PPP2R5C: variants seen among roughly 807,000 people sequenced by gnomAD.
The protein encoded by PPP2R5C is protein phosphatase 2 regulatory subunit B'gamma, also known as serine/threonine-protein phosphatase 2A 56 kDa regulatory subunit gamma isoform.
In PPP2R5C, 7 loss-of-function variants were observed where a neutral mutation model predicts 68.9. That is an observed-to-expected ratio of 0.10 (90% CI 0.06 to 0.19). The LOEUF (loss-of-function observed/expected upper bound fraction) is 0.19. Ranked by LOEUF, PPP2R5C falls within the 10% of genes least tolerant of loss-of-function variation. The pLI is 1.00. For synonymous variants in PPP2R5C, 210 were observed against 222.2 expected (o/e 0.95, Z 0.49); for missense variants, 348 against 641.3 (o/e 0.54, Z 4.94).
intron 1 of PPP2R5C, among the ~76,000 whole-genome samples, chr14:101,856,283 T>C (rs2042420559): frequency 6.6e-6 from 1 of 152,224 alleles, no homozygotes; most frequent in Non-Finnish European, 1.5e-5. Context: ...ATTCTGCAGA[T>C]ATCACCTGGT....
exon 14 of PPP2R5C, chr14:101,926,577 C>T (rs920393280): frequency 6.6e-6 from 1 of 152,620 alleles, no homozygotes; most frequent in Non-Finnish European, 1.5e-5. Flanking sequence ...TGCTTGAAAG[C>T]TACTTGAGAT....
chr14:101,807,307 T>C (rs1832527120), upstream of PPP2R5C, among the ~76,000 whole-genome samples: 1 of 152,224 alleles, frequency 6.6e-6, no homozygotes, highest in Non-Finnish European at 1.5e-5. Flanking sequence ...GTCAACATAT[T>C]TCTCAGTTTG....
At chr14:101,876,457 A>T (rs1251755629) in intron 2 of PPP2R5C, among the ~76,000 whole-genome samples, 1 of 151,532 alleles carries the variant, frequency 6.6e-6, no homozygotes, top group Non-Finnish European at 1.5e-5. Flanking sequence ...TAAAATTTTT[A>T]TATGTTACAC....
chr14:101,858,421 T>A (rs906097426), intron 2 of PPP2R5C, among the ~76,000 whole-genome samples: 4 of 152,144 alleles, frequency 2.6e-5, no homozygotes, highest in Non-Finnish European at 5.9e-5. Flanking sequence ...AATGATCAAA[T>A]CAGGGTAATT....
chr14:101,886,072 G>A (rs1455215202), intron 5 of PPP2R5C, among the ~76,000 whole-genome samples: 2 of 152,178 alleles, frequency 1.3e-5, no homozygotes, highest in Non-Finnish European at 2.9e-5. Context: ...ACAAGGTCAG[G>A]AGATCGAGAC....
Position 101,856,902 on chromosome 14 carries a change from T to C in PPP2R5C, c.294+17T>C, listed in dbSNP as rs746572538. On this transcript the variant is annotated intron_variant, in intron 2 of 13. Coordinates refer to ENST00000334743, the Ensembl canonical transcript of PPP2R5C. Reference sequence around the variant, plus strand: ...GTCCATATGGTAAGTGATTACAGTTTAACCAGTGTGTCCCAGTTCTGATTT... The same window carrying C: ...GTCCATATGGTAAGTGATTACAGTTCAACCAGTGTGTCCCAGTTCTGATTT... The C allele has an allele frequency of 6.2e-7, 1 of 1,606,848 alleles. No individual in the cohort carries two copies. Among genetic ancestry groups the C allele is most frequent in the Non-Finnish European group, 8.5e-7 (1 of 1,173,984 alleles).
Position 101,783,369 on chromosome 14 carries a change from G to A in PPP2R5C, c.94-2649G>A, listed in dbSNP as rs546131702. On this transcript the variant is annotated intron_variant, in intron 2 of 14. Transcript: ENST00000328724. ...CCCAGGGACAGACAATGTCTCATGC[G>A]GAGAGGCCCTGCCCTCCTGAGCTGA... 1.3e-4 allele frequency among the ~76,000 whole-genome samples: 20 copies of A among 149,998 alleles called. No individual in the cohort carries two copies. In the South Asian group the frequency reaches 2.2e-3, roughly 16 times the overall value.
In PPP2R5C at chr14:101,901,793, A is replaced by G. The variant is rs771588800; in HGVS notation, c.927A>G (p.Glu309=). The change falls in exon 9 of 14, where the codon GAA becomes GAG. Residue 309 remains glutamate (E), a synonymous_variant. Transcript: ENST00000334743. ...AAGTAATGTTCTTAAACGAATTAGAAGAGATTTTAGATGTCATTGAACCAT... is the reference window on the plus strand; with the variant it reads ...AAGTAATGTTCTTAAACGAATTAGAGGAGATTTTAGATGTCATTGAACCAT... 3.7e-6 allele frequency: 6 copies of G among 1,613,454 alleles called. No homozygotes were observed. In the South Asian group the frequency reaches 5.5e-5, roughly 15 times the overall value.
chr14:101,871,431 C>T (rs768640422), intron 2 of PPP2R5C, among the ~76,000 whole-genome samples: 12 of 152,012 alleles, frequency 7.9e-5, no homozygotes, highest in Admixed American at 6.6e-4. Flanking sequence ...TTAGCAGAGA[C>T]GGGGTTTCTC....
At chr14:101,922,019 A>G (rs2047032438) in intron 13 of PPP2R5C, 3 of 985,328 alleles carry the variant, frequency 3.0e-6, no homozygotes, top group African/African-American at 1.7e-5. Context: ...CCACGCAAGT[A>G]AGGAAGGTGT....
chr14:101,799,605 G>A (rs2038772070), intron 3 of PPP2R5C, among the ~76,000 whole-genome samples: 1 of 152,264 alleles, frequency 6.6e-6, no homozygotes, highest in South Asian at 2.1e-4. Context: ...CATTTACTTA[G>A]AGTTTGTTTC....
intron 3 of PPP2R5C, among the ~76,000 whole-genome samples, chr14:101,790,241 A>G (rs1315127659): frequency 2.6e-5 from 4 of 152,190 alleles, no homozygotes; most frequent in Non-Finnish European, 5.9e-5. Context: ...TTTTCAAGTC[A>G]TAGGTTTTTC....
rs1424617680 is a variant in PPP2R5C at position 101,790,526 on chromosome 14, T to C, written c.259+4343T>C. Among the ~76,000 whole-genome samples, 4 of 152,358 alleles carry C rather than the reference T, an allele frequency of 2.6e-5. No homozygotes were observed. The South Asian group carries it at 6.2e-4, about 24-fold the overall frequency. ...CGAAGTCATACCATAGGTAGTCTTT[T>C]ACACCTGCTGTAAGGTTTTTGAGGT... On this transcript the variant is annotated intron_variant, in intron 3 of 14. Transcript: ENST00000328724.
rs1041676798 is a variant in PPP2R5C at position 101,915,356 on chromosome 14, A to G, written c.1327-2475A>G. Among the ~76,000 whole-genome samples, 5 of 152,202 alleles carry G rather than the reference A, an allele frequency of 3.3e-5. No homozygotes were observed. The highest frequency in any genetic ancestry group is 7.4e-5 in the Non-Finnish European group (5 of 68,026). On this transcript the variant is annotated intron_variant, in intron 12 of 13. Coordinates refer to ENST00000334743, the Ensembl canonical transcript of PPP2R5C. This position sits in a 1 kb window ranked among gnomAD's most constrained non-coding sequence, Gnocchi z 4.2. ...CGGCCTCCCAGAGTGCTGGGATTAC[A>G]GGTGTGAGCCACCGCACCTGGCCTT... is the stretch of plus-strand genomic sequence containing the variant.
intron 6 of PPP2R5C, among the ~76,000 whole-genome samples, chr14:101,892,080 T>G (rs540486538): frequency 6.6e-6 from 1 of 152,212 alleles, no homozygotes; most frequent in South Asian, 2.1e-4. Context: ...CTCAGCCTCC[T>G]GAATAGCTGG....
At chr14:101,885,764 G>C (rs994980883) in intron 5 of PPP2R5C, among the ~76,000 whole-genome samples, 1 of 152,158 alleles carries the variant, frequency 6.6e-6, no homozygotes, top group Non-Finnish European at 1.5e-5. Flanking sequence ...TCTATTTTAT[G>C]TTTCTTGGTA....
At chr14:101,849,902 CTT>C (rs1215582629) in intron 1 of PPP2R5C, among the ~76,000 whole-genome samples, 1 of 152,164 alleles carries the variant, frequency 6.6e-6, no homozygotes, top group Non-Finnish European at 1.5e-5. Context: ...TACAGGAAGT[CTT>C]GATTTCTGGA....
At chr14:101,819,171 T>C (rs757480649) in intron 1 of PPP2R5C, 23 of 1,340,422 alleles carry the variant, frequency 1.7e-5, no homozygotes, top group Non-Finnish European at 2.3e-5. Context: ...TTGTCGGTTT[T>C]GGTTTTTTTC....
exon 14 of PPP2R5C, chr14:101,927,883 A>T (rs1027471954): frequency 6.6e-6 from 1 of 152,282 alleles, no homozygotes; most frequent in African/African-American, 2.4e-5. Context: ...GAGAAACTTC[A>T]TACACTTGCC....
Sources: gnomAD v4.1 joint callset for allele counts (sites outside exome capture counted in the v4.1 genomes callset) on GRCh38, gnomAD v4.1.1 for gene constraint, Gnocchi (gnomAD v3.1) non-coding constraint, MANE v1.5 for transcripts, NCBI Gene and HGNC (gene_info 2026-07-23, HGNC 2026-07-21) for gene names.